The following IRAG2 variants were observed in gnomAD, a reference collection of about 807,000 sequenced individuals.
The protein encoded by IRAG2 is inositol 1,4,5-triphosphate receptor associated 2.
A neutral mutation model predicts 69.9 loss-of-function variants in IRAG2; 45 were observed. The observed-to-expected ratio is 0.64, with a 90% CI of 0.51 to 0.83. IRAG2 has a LOEUF of 0.83. IRAG2 is among the 40% of genes least tolerant of loss of function. The probability of loss-of-function intolerance (pLI) is 0.00; values close to 1 mark genes in which losing one functional copy is unlikely to be tolerated. For missense variants in IRAG2, 520 were observed against 587.0 expected, an observed-to-expected ratio of 0.89 and a Z score of 1.18; for synonymous variants, 193 against 202.4, an observed-to-expected ratio of 0.95 and a Z score of 0.40.
At chr12:25,027,570 A>C (rs1347246316) in intron 9 of IRAG2, among the ~76,000 whole-genome samples, 1 of 151,202 alleles carries the variant, frequency 6.6e-6, no homozygotes, top group Non-Finnish European at 1.5e-5. Flanking sequence ...AATTTTTTGT[A>C]TTTTTAGTAG....
intron 6 of IRAG2, among the ~76,000 whole-genome samples, chr12:25,072,410 C>T (rs1392493253): frequency 6.6e-6 from 1 of 152,046 alleles, no homozygotes; most frequent in African/African-American, 2.4e-5. Flanking sequence ...GGTTTCTGCT[C>T]CACTGGAGAA....
intron 15 of IRAG2, among the ~76,000 whole-genome samples, chr12:25,098,061 A>G (rs1257482883): frequency 6.6e-6 from 1 of 152,150 alleles, no homozygotes; most frequent in Non-Finnish European, 1.5e-5. Context: ...TTTCCTGGCC[A>G]AGCTTATACT....
chr12:25,013,256 C>T (rs1944491431), intron 3 of IRAG2, among the ~76,000 whole-genome samples: 2 of 152,174 alleles, frequency 1.3e-5, no homozygotes, highest in African/African-American at 2.4e-5. Flanking sequence ...GCGGGAGCAT[C>T]ACCTGAGGCC....
At chr12:25,030,733 C>T (rs699046) in intron 10 of IRAG2, among the ~76,000 whole-genome samples, 143,587 of 152,286 alleles carry the variant, frequency 0.94, 68,285 homozygotes, top group East Asian at 1. Flanking sequence ...TCCTTTATAG[C>T]ACTTTATAAA....
At chr12:25,096,686 G>A (rs557814729) in intron 14 of IRAG2, among the ~76,000 whole-genome samples, 18 of 152,190 alleles carry the variant, frequency 1.2e-4, no homozygotes, top group African/African-American at 4.1e-4. Context: ...AAGGGATCAA[G>A]AATAGACATA....
chr12:25,077,317 GATATATATATGATATATATATGAAAT>G lies in IRAG2; in HGVS notation c.25-1918_25-1893del, dbSNP rs1318693227. ...TATATGAAATATATATGATATATAT[GATATATATATGATATATATATGAAAT>G]ATATATATGATATATATGATATATA... On this transcript the variant is annotated intron_variant, in intron 6 of 21. Coordinates refer to ENST00000556887, the MANE Select transcript of IRAG2 (RefSeq NM_001366544.2). 2.6e-4 allele frequency among the ~76,000 whole-genome samples: 9 copies of G among 34,366 alleles called. 3 individuals are homozygous for G. Among genetic ancestry groups the G allele is most frequent in the Non-Finnish European group, 5.2e-4 (9 of 17,400 alleles). The allele number at this position is 34,366 out of a possible 152,430, so 22.5% of individuals were successfully genotyped here.
At chr12:25,026,430 C>A (rs1437624807) in intron 8 of IRAG2, among the ~76,000 whole-genome samples, 1 of 151,914 alleles carries the variant, frequency 6.6e-6, no homozygotes, top group Admixed American at 6.6e-5. Flanking sequence ...AGAACTGAAG[C>A]TAAATAAAGA....
rs142082604 is a variant in IRAG2, at chr12:25,031,539, T to C, written c.1519-603T>C. Reference sequence around the variant, plus strand: ...TTCTTTAACACATCATGATGATAAATATAATTTTGTTTTGGGCTTAAGAAT... The same window carrying C: ...TTCTTTAACACATCATGATGATAAACATAATTTTGTTTTGGGCTTAAGAAT... On this transcript the variant is annotated intron_variant, in intron 10 of 38. Transcript: ENST00000636465. Among the ~76,000 whole-genome samples, 1,169 of 152,350 alleles carry C rather than the reference T, an allele frequency of 7.7e-3. 11 individuals are homozygous for C. Among genetic ancestry groups the C allele is most frequent in the Non-Finnish European group, 0.013 (895 of 68,028 alleles).
chr12:25,052,728 T>C lies in IRAG2; in HGVS notation c.-675T>C, dbSNP rs1944917512. ...TTCAGTTTTGCCTGCATCATAAGAG[T>C]GAGCACTCCATTGCTTTCTTTCCTG... is the stretch of plus-strand genomic sequence containing the variant. On this transcript the variant is annotated 5_prime_UTR_variant, in exon 1 of 22. Coordinates refer to ENST00000556887, the MANE Select transcript of IRAG2 (RefSeq NM_001366544.2). 5.0e-6 allele frequency: 2 copies of C among 398,326 alleles called. No individual in the cohort carries two copies. The highest frequency in any genetic ancestry group is 7.1e-5 in the East Asian group (2 of 28,068). 24.7% of individuals were successfully genotyped at this position (398,326 alleles called of 1,614,324 possible).
At chr12:25,089,005 T>G (rs76854672) in intron 11 of IRAG2, among the ~76,000 whole-genome samples, 3,402 of 152,310 alleles carry the variant, frequency 0.022, 50 homozygotes, top group Non-Finnish European at 0.032. Context: ...CAAGCTCACA[T>G]AACTGTAAGA....
At chr12:25,030,005 G>T (rs1002050025) in intron 9 of IRAG2, among the ~76,000 whole-genome samples, 19 of 152,190 alleles carry the variant, frequency 1.2e-4, no homozygotes, top group Admixed American at 1.0e-3. Context: ...CTTGGCTGGA[G>T]CTGTAGACTT....
upstream of IRAG2, among the ~76,000 whole-genome samples, chr12:25,001,196 C>T (rs1162862747): frequency 6.6e-6 from 1 of 151,974 alleles, no homozygotes; most frequent in Non-Finnish European, 1.5e-5. Flanking sequence ...AAGCAGGGCT[C>T]ACTTAGGTAA....
At chr12:25,035,597 G>A (rs859203) in intron 13 of IRAG2, 283,736 of 398,292 alleles carry the variant, frequency 0.71, 101,569 homozygotes, top group Admixed American at 0.73. Flanking sequence ...TTAAGTGAAA[G>A]TAATGAATGT....
chr12:25,035,095 C>T (rs909997848), intron 13 of IRAG2, among the ~76,000 whole-genome samples: 2 of 152,136 alleles, frequency 1.3e-5, no homozygotes, highest in African/African-American at 4.8e-5. Context: ...CTGAGGTTTA[C>T]CCACTGATGA....
chr12:25,014,998 A>G (rs1014299124), intron 3 of IRAG2, among the ~76,000 whole-genome samples: 13 of 146,160 alleles, frequency 8.9e-5, no homozygotes, highest in African/African-American at 3.2e-4. Flanking sequence ...TACCTAGCAT[A>G]GTATTGAGCT....
chr12:25,078,433 T>A (rs1039013578), intron 6 of IRAG2, among the ~76,000 whole-genome samples: 1 of 152,228 alleles, frequency 6.6e-6, no homozygotes, highest in African/African-American at 2.4e-5. Context: ...ATGGAATAAC[T>A]AAATGCCTTC....
At chr12:25,083,131 G>A (rs1947337015) in intron 9 of IRAG2, among the ~76,000 whole-genome samples, 2 of 151,974 alleles carry the variant, frequency 1.3e-5, no homozygotes, top group African/African-American at 2.4e-5. Context: ...TACCAGTCAT[G>A]TGTTCCATTA....
chr12:25,105,281 T>G (rs1038845837), intron 20 of IRAG2, among the ~76,000 whole-genome samples: 1 of 151,978 alleles, frequency 6.6e-6, no homozygotes, highest in Admixed American at 6.6e-5. Flanking sequence ...TTTCACTGTG[T>G]TAGCCAGGAT....
At chr12:25,101,078 T>G in intron 15 of IRAG2, 100 bp from the exon 16 acceptor site, 3 of 977,920 alleles carry the variant, frequency 3.1e-6, no homozygotes, top group Non-Finnish European at 4.4e-6. Flanking sequence ...GCCACTTTAG[T>G]GGGATTTAGG....
Sources: gnomAD v4.1 joint callset for allele counts (sites outside exome capture counted in the v4.1 genomes callset) on GRCh38, gnomAD v4.1.1 for gene constraint, MANE v1.5 for transcripts, NCBI Gene and HGNC (gene_info 2026-07-23, HGNC 2026-07-21) for gene names.